CECR2: variants seen among roughly 807,000 people sequenced by gnomAD.
The protein encoded by CECR2 is CECR2 histone acetyl-lysine reader, also known as chromatin remodeling regulator CECR2.
A neutral mutation model predicts 154.5 loss-of-function variants in CECR2; 30 were observed. The observed-to-expected ratio is 0.19, with a 90% CI of 0.15 to 0.26. CECR2 has a LOEUF of 0.26. Ranked by LOEUF, CECR2 falls within the 10% of genes least tolerant of loss-of-function variation. The probability of loss-of-function intolerance (pLI) is 1.00; values close to 1 mark genes in which losing one functional copy is unlikely to be tolerated. For missense variants in CECR2, 1,743 were observed against 1,829.3 expected, an observed-to-expected ratio of 0.95 and a Z score of 0.86; for synonymous variants, 725 against 683.7, an observed-to-expected ratio of 1.06 and a Z score of -0.94.
intron 1 of CECR2, among the ~76,000 whole-genome samples, chr22:17,384,699 C>T (rs2063238640): frequency 1.3e-5 from 2 of 152,158 alleles, no homozygotes; most frequent in South Asian, 4.1e-4. Flanking sequence ...GCACAGTTTT[C>T]AAGGGCCGTA....
At chr22:17,543,419 G>A (rs1206115461) in intron 16 of CECR2, among the ~76,000 whole-genome samples, 1 of 151,774 alleles carries the variant, frequency 6.6e-6, no homozygotes, top group Non-Finnish European at 1.5e-5. Context: ...CAGGCCCACC[G>A]CGCCCGGCCT....
chr22:17,381,973 C>T (rs56842656), intron 1 of CECR2, among the ~76,000 whole-genome samples: 7,043 of 151,782 alleles, frequency 0.046, 228 homozygotes, highest in African/African-American at 0.075. Flanking sequence ...CTGCGAGCTC[C>T]GCCTCCTGGG....
rs193002097 is a variant in CECR2 at position 17,380,412 on chromosome 22, G to A, written c.126+10503G>A. The stretch of plus-strand genomic sequence containing the variant: ...CATGTGGCCTTTACAAAAGACATTG[G>A]CCGGTTTAAATGATGTCATATGCGT... On this transcript the variant is annotated intron_variant, in intron 1 of 18. Coordinates refer to ENST00000262608, the MANE Select transcript of CECR2 (RefSeq NM_001290047.2). 5.3e-5 allele frequency among the ~76,000 whole-genome samples: 8 copies of A among 152,246 alleles called. No homozygotes were observed. In the East Asian group the frequency reaches 1.5e-3, roughly 29 times the overall value.
At chr22:17,471,538 TTTGTTTGA>T (rs2055126927) in intron 1 of CECR2, among the ~76,000 whole-genome samples, 1 of 152,000 alleles carries the variant, frequency 6.6e-6, no homozygotes, top group Non-Finnish European at 1.5e-5. Flanking sequence ...TGTTTGTTTG[TTTGTTTGA>T]TTGTTTCTGA....
At chr22:17,548,031 G>C in intron 16 of CECR2, 117 bp from the exon 17 acceptor site, 1 of 953,924 alleles carries the variant, frequency 1.0e-6, no homozygotes, top group Non-Finnish European at 1.5e-6. Context: ...ACAATTTCCA[G>C]GTGGGGCTTG....
Position 17,547,531 on chromosome 22 carries a change from C to T in CECR2, c.2861-617C>T, listed in dbSNP as rs558150400. ...AGGCGTGAGCCACCGTGCCCGGCCC[C>T]TAAAGATGCCTTTTGAGTTTCATGT... On this transcript the variant is annotated intron_variant, in intron 16 of 18. Transcript: ENST00000262608. Among the ~76,000 whole-genome samples the T allele has an allele frequency of 3.3e-5, 5 of 152,278 alleles. No homozygotes were observed. In the East Asian group the frequency reaches 9.7e-4, roughly 29 times the overall value.
chr22:17,412,870 G>A (rs1344845876), intron 1 of CECR2, among the ~76,000 whole-genome samples: 3 of 152,190 alleles, frequency 2.0e-5, no homozygotes, highest in African/African-American at 7.2e-5. Context: ...GGTGCGGCCA[G>A]TCTGTGTATC....
chr22:17,399,416 ATTTTTT>A (rs67470861), intron 1 of CECR2, among the ~76,000 whole-genome samples: 1 of 126,390 alleles, frequency 7.9e-6, no homozygotes, highest in African/African-American at 2.9e-5. Context: ...AGTAATGGTG[ATTTTTT>A]TTTTTTTTTT....
Position 17,548,677 on chromosome 22 carries a change from T to G in CECR2, c.3390T>G (p.Ala1130=). 1 of 1,613,526 alleles carries G rather than the reference T, an allele frequency of 6.2e-7. No individual in the cohort carries two copies. Among genetic ancestry groups the G allele is most frequent in the Middle Eastern group, 1.6e-4 (1 of 6,062 alleles). ...YMPGLEYPNS[A]AHYHISPGLQ... is the part of the protein sequence containing the mutation. ...CTGGCCTAGAGTACCCGAATTCAGC[T>G]GCCCATTACCACATCAGTCCAGGCC... The change falls in exon 17 of 19, where the codon GCT becomes GCG. Residue 1130 remains alanine (A), a synonymous_variant. Transcript: ENST00000262608.
At chr22:17,542,115 A>T in intron 15 of CECR2, 42 bp from the exon 16 acceptor site, 2 of 1,590,596 alleles carry the variant, frequency 1.3e-6, no homozygotes, top group East Asian at 2.2e-5. Flanking sequence ...AGTGTGCCTT[A>T]TTCTGTGAGT....
chr22:17,537,066 G>C (rs1363353632), intron 9 of CECR2, 37 bp from the exon 10 acceptor site: 1 of 1,610,302 alleles, frequency 6.2e-7, no homozygotes, highest in Admixed American at 1.7e-5. Context: ...AGTGTCTGGA[G>C]TGTGCTTAGC....
At chr22:17,486,949 G>A (rs968237725) in intron 2 of CECR2, among the ~76,000 whole-genome samples, 6 of 152,172 alleles carry the variant, frequency 3.9e-5, no homozygotes, top group Non-Finnish European at 8.8e-5. Context: ...CCTGCATGCT[G>A]TGCAAGTTCT....
rs148627986 is a variant in CECR2 at position 17,556,406 on chromosome 22, G to A, written c.*3566G>A. ...AGTGTTTCTTGTGACTAAGCATTTG[G>A]TGTCATTATCCCATGCCATTTATCT... On this transcript the variant is annotated 3_prime_UTR_variant, in exon 19 of 19. Transcript: ENST00000262608. 52 of 152,210 alleles carry A rather than the reference G, an allele frequency of 3.4e-4. No homozygotes were observed. The East Asian group carries it at 8.7e-3, about 25-fold the overall frequency. 9.4% of individuals were successfully genotyped at this position (152,210 alleles called of 1,614,324 possible).
intron 16 of CECR2, among the ~76,000 whole-genome samples, chr22:17,547,233 GCCT>G (rs1486382022): frequency 6.9e-6 from 1 of 144,252 alleles, no homozygotes; most frequent in Non-Finnish European, 1.5e-5. Context: ...TGTTAAAAAT[GCCT>G]CTTTTTTTTT....
chr22:17,521,348 G>A (rs1303989243), intron 8 of CECR2, among the ~76,000 whole-genome samples: 2 of 152,100 alleles, frequency 1.3e-5, no homozygotes, highest in African/African-American at 2.4e-5. Flanking sequence ...AGACCATCCT[G>A]GCTAACACAG....
At chr22:17,435,991 C>G (rs1019823249) in intron 1 of CECR2, among the ~76,000 whole-genome samples, 7 of 152,130 alleles carry the variant, frequency 4.6e-5, no homozygotes, top group African/African-American at 1.4e-4. Flanking sequence ...GTCTGTCTCG[C>G]TCTGTCACCC....
intron 1 of CECR2, among the ~76,000 whole-genome samples, chr22:17,453,311 G>A (rs530236700): frequency 6.6e-6 from 1 of 152,120 alleles, no homozygotes; most frequent in South Asian, 2.1e-4. Context: ...ACACGGTGGC[G>A]TATGCCTGTA....
chr22:17,430,981 C>T (rs2054413398), intron 1 of CECR2, among the ~76,000 whole-genome samples: 1 of 152,116 alleles, frequency 6.6e-6, no homozygotes, highest in Non-Finnish European at 1.5e-5. Context: ...TGCCCTGTCT[C>T]TATAGTTCTT....
intron 1 of CECR2, among the ~76,000 whole-genome samples, chr22:17,458,652 CAG>C (rs1301967627): frequency 6.6e-6 from 1 of 151,728 alleles, no homozygotes; most frequent in Non-Finnish European, 1.5e-5. Context: ...TTTTTTAAAA[CAG>C]AATGAATAGT....
Sources: gnomAD v4.1 joint callset for allele counts (sites outside exome capture counted in the v4.1 genomes callset) on GRCh38, gnomAD v4.1.1 for gene constraint, MANE v1.5 for transcripts, NCBI Gene and HGNC (gene_info 2026-07-23, HGNC 2026-07-21) for gene names.